The following CACNG5 variants were observed in gnomAD, a reference collection of about 807,000 sequenced individuals.
The protein encoded by CACNG5 is calcium voltage-gated channel auxiliary subunit gamma 5.
Under a neutral mutation model 24.8 loss-of-function variants are expected in CACNG5, and 18 were observed. The ratio of observed to expected loss-of-function variants is 0.73; its 90% confidence interval spans 0.50 to 1.08. The LOEUF is 1.08. Among genes scored for constraint, CACNG5 ranks in the 50% least tolerant of loss-of-function variants. CACNG5 has a pLI of 0.00. For missense variants in CACNG5, 349 were observed against 367.9 expected (o/e 0.95, Z 0.42); for synonymous variants, 157 against 149.1 (o/e 1.05, Z -0.39).
rs768756588 is a variant in CACNG5, at chr17:66,885,205, C to T, written c.793C>T (p.Pro265Ser). 5 of 1,603,176 alleles carry T rather than the reference C, an allele frequency of 3.1e-6. No homozygotes were observed. The highest frequency in any genetic ancestry group is 4.2e-6 in the Non-Finnish European group (5 of 1,178,422). The change falls in exon 6 of 6, where the codon CCC (proline) becomes TCC (serine). Residue 265 changes from proline to serine, a missense_variant. Physicochemically the swap from Pro to Ser is moderately conservative, Grantham distance 74. Transcript: ENST00000533854. ...CAACTACCCCGCCTTGCTCAAGTGC[C>T]CCGACTATGATCAGATGTCCTCTTC... ...NSNYPALLKC[P>S]DYDQMSSSPC
chr17:66,838,192 T>C (rs1391606231), intron 1 of CACNG5, among the ~76,000 whole-genome samples: 2 of 151,790 alleles, frequency 1.3e-5, no homozygotes, highest in Non-Finnish European at 2.9e-5. Context: ...GAGTATACCC[T>C]GCCTGGCTGT....
rs558732019 is a variant in CACNG5 at position 66,884,216 on chromosome 17, G to A, written c.425-300G>A. Among the ~76,000 whole-genome samples, 3 of 152,294 alleles carry A rather than the reference G, an allele frequency of 2.0e-5. No individual in the cohort carries two copies. In the South Asian group the frequency reaches 6.2e-4, roughly 32 times the overall value. On this transcript the variant is annotated intron_variant, in intron 4 of 5. Transcript: ENST00000533854. Reference sequence around the variant, plus strand: ...CAGGTGTATCAGAATGTCCAGAGCTGGGGCTCAGGCCTGTGTGACAGATAT... The same window carrying A: ...CAGGTGTATCAGAATGTCCAGAGCTAGGGCTCAGGCCTGTGTGACAGATAT...
At chr17:66,864,101 T>C (rs1976898517) in intron 1 of CACNG5, among the ~76,000 whole-genome samples, 1 of 152,194 alleles carries the variant, frequency 6.6e-6, no homozygotes, top group Non-Finnish European at 1.5e-5. Context: ...GAATCCTACC[T>C]TGGGGAATCT....
At chr17:66,876,553 C>T (rs886964167) in intron 1 of CACNG5, among the ~76,000 whole-genome samples, 7 of 152,216 alleles carry the variant, frequency 4.6e-5, no homozygotes, top group Non-Finnish European at 1.0e-4. Flanking sequence ...AGGTAAGAGT[C>T]AGCCCATTTC....
In CACNG5 at chr17:66,886,668, T is replaced by C. The variant is rs890092652; in HGVS notation, c.*1428T>C. ...AACAGAAAGCCATGGTGGCGACACG[T>C]GGGCTCCAGCACGTAGTCCAGAAAG... On this transcript the variant is annotated 3_prime_UTR_variant, in exon 6 of 6. Transcript: ENST00000533854. 2.0e-5 allele frequency among the ~76,000 whole-genome samples: 3 copies of C among 152,220 alleles called. No homozygotes were observed. The highest frequency in any genetic ancestry group is 4.4e-5 in the Non-Finnish European group (3 of 68,038).
At chr17:66,846,002 G>A (rs1461670872) in intron 1 of CACNG5, among the ~76,000 whole-genome samples, 1 of 152,136 alleles carries the variant, frequency 6.6e-6, no homozygotes, top group Non-Finnish European at 1.5e-5. Flanking sequence ...GGCCAACAGA[G>A]GCATGTTCTC....
At chr17:66,864,287 T>A (rs1218951099) in intron 1 of CACNG5, among the ~76,000 whole-genome samples, 2 of 152,182 alleles carry the variant, frequency 1.3e-5, no homozygotes, top group Admixed American at 1.3e-4. Flanking sequence ...GATTGAGCTA[T>A]TTACCAGACC....
intron 1 of CACNG5, among the ~76,000 whole-genome samples, chr17:66,867,920 G>A (rs369531386): frequency 2.5e-4 from 38 of 152,258 alleles, no homozygotes; most frequent in African/African-American, 8.4e-4. Context: ...CTTCAGCTTT[G>A]TTCTTTTTGC....
chr17:66,891,580 G>A lies in CACNG5; in HGVS notation c.*6340G>A, dbSNP rs115644571. Among the ~76,000 whole-genome samples the A allele has an allele frequency of 1.0e-2, 1,523 of 152,314 alleles. 32 individuals carry two copies. Among genetic ancestry groups the A allele is most frequent in the African/African-American group, 0.035 (1,447 of 41,564 alleles). ...TCATAGGGTGACAGCTTGGTTTTAA[G>A]AGTGAGGGTCCCAAGAGACAGGCAG... On this transcript the variant is annotated 3_prime_UTR_variant, in exon 6 of 6. Coordinates refer to ENST00000533854, the MANE Select transcript of CACNG5 (RefSeq NM_145811.3).
chr17:66,862,892 CTGTGTG>C lies in CACNG5; in HGVS notation c.-103-14296_-103-14291del, dbSNP rs56308917. On this transcript the variant is annotated intron_variant, in intron 1 of 5. Coordinates refer to ENST00000533854, the MANE Select transcript of CACNG5 (RefSeq NM_145811.3). Reference sequence around the variant, plus strand: ...ACAACCTTGTCTGCCAGCATATTCTCTGTGTGTGTGTGTGTGTGTGTGTGTGTGTGT... The same window carrying C: ...ACAACCTTGTCTGCCAGCATATTCTCTGTGTGTGTGTGTGTGTGTGTGTGT... Among the ~76,000 whole-genome samples, 903 of 142,236 alleles carry C rather than the reference CTGTGTG, an allele frequency of 6.3e-3. 5 individuals are homozygous for C. The highest frequency in any genetic ancestry group is 0.011 in the African/African-American group (405 of 37,666). 93.3% of individuals were successfully genotyped at this position (142,236 alleles called of 152,430 possible).
At chr17:66,878,552 C>A (rs150214031) in intron 2 of CACNG5, among the ~76,000 whole-genome samples, 1 of 152,350 alleles carries the variant, frequency 6.6e-6, no homozygotes, top group East Asian at 1.9e-4. Flanking sequence ...TCACTAGGAT[C>A]TGATTTCCAG....
In CACNG5 at chr17:66,891,174, C is replaced by T. The variant is rs1439957408; in HGVS notation, c.*5934C>T. 1.3e-5 allele frequency among the ~76,000 whole-genome samples: 2 copies of T among 152,116 alleles called. No individual in the cohort carries two copies. The highest frequency in any genetic ancestry group is 2.9e-5 in the Non-Finnish European group (2 of 68,014). ...TTTTCTAAGGAATAAAGACAACTTT[C>T]CCAGAAGCAACCCCAGCAGACTTCA... is the stretch of plus-strand genomic sequence containing the variant. On this transcript the variant is annotated 3_prime_UTR_variant, in exon 6 of 6. Coordinates refer to ENST00000533854, the MANE Select transcript of CACNG5 (RefSeq NM_145811.3).
At chr17:66,868,988 G>A (rs920582055) in intron 1 of CACNG5, among the ~76,000 whole-genome samples, 1 of 152,208 alleles carries the variant, frequency 6.6e-6, no homozygotes, top group African/African-American at 2.4e-5. Flanking sequence ...GAGAAAGTCT[G>A]AGCCATTTTG....
In CACNG5 at chr17:66,893,641, G is replaced by A. The variant is rs1319879743; in HGVS notation, c.*8401G>A. Among the ~76,000 whole-genome samples, 2 of 152,194 alleles carry A rather than the reference G, an allele frequency of 1.3e-5. No homozygotes were observed. The highest frequency in any genetic ancestry group is 4.8e-5 in the African/African-American group (2 of 41,438). ...TAGAGATGAGCTCATGTCAGACTCT[G>A]GCCTCCAGATTCCATTTTCCTGGCT... On this transcript the variant is annotated 3_prime_UTR_variant, in exon 6 of 6. Coordinates refer to ENST00000533854, the MANE Select transcript of CACNG5 (RefSeq NM_145811.3).
In CACNG5 at chr17:66,891,415, A is replaced by G. The variant is rs1977343288; in HGVS notation, c.*6175A>G. On this transcript the variant is annotated 3_prime_UTR_variant, in exon 6 of 6. Coordinates refer to ENST00000533854, the MANE Select transcript of CACNG5 (RefSeq NM_145811.3). Reference sequence around the variant, plus strand: ...AGGCAGTTCTCACTCAGGATCTCCCAGGCAGTTGGAGTCAGACAGTGGCTG... The same window carrying G: ...AGGCAGTTCTCACTCAGGATCTCCCGGGCAGTTGGAGTCAGACAGTGGCTG... 6.6e-6 allele frequency among the ~76,000 whole-genome samples: 1 copy of G among 152,234 alleles called. No homozygotes were observed. Among genetic ancestry groups the G allele is most frequent in the East Asian group, 1.9e-4 (1 of 5,198 alleles).
chr17:66,837,792 G>A (rs898291265), intron 1 of CACNG5, among the ~76,000 whole-genome samples: 1 of 152,064 alleles, frequency 6.6e-6, no homozygotes, highest in Non-Finnish European at 1.5e-5. Flanking sequence ...AGAGAACATT[G>A]TACTTTGCCA....
At chr17:66,858,224 C>A (rs1403380312) in intron 1 of CACNG5, among the ~76,000 whole-genome samples, 3 of 152,156 alleles carry the variant, frequency 2.0e-5, no homozygotes, top group African/African-American at 7.2e-5. Flanking sequence ...CACAAGCTTC[C>A]CAACCCATGA....
chr17:66,874,512 C>T (rs1387976786), intron 1 of CACNG5, among the ~76,000 whole-genome samples: 2 of 152,150 alleles, frequency 1.3e-5, no homozygotes, highest in African/African-American at 4.8e-5. Flanking sequence ...CGGAGAAAAC[C>T]TGAGGCTTTA....
intron 1 of CACNG5, among the ~76,000 whole-genome samples, chr17:66,855,098 G>A (rs1976755829): frequency 6.6e-6 from 1 of 152,226 alleles, no homozygotes; most frequent in Admixed American, 6.5e-5. Context: ...GCGTTGCCTA[G>A]CAGAATAAAG....
Sources: allele counts gnomAD v4.1 joint callset (sites outside exome capture counted in the v4.1 genomes callset), GRCh38; gene constraint gnomAD v4.1.1; transcripts MANE v1.5; gene names NCBI Gene and HGNC (gene_info 2026-07-23, HGNC 2026-07-21).